The following SLC5A8 variants were observed in gnomAD, a reference collection of about 807,000 sequenced individuals.
SLC5A8 encodes the protein sodium-coupled monocarboxylate transporter 1.
In SLC5A8, 55 loss-of-function variants were observed where a neutral mutation model predicts 71.9. The observed-to-expected ratio is 0.77, with a 90% CI of 0.62 to 0.96. The LOEUF (loss-of-function observed/expected upper bound fraction) is 0.96, where lower values mean the gene tolerates loss of function less well. SLC5A8 is among the 40% of genes least tolerant of loss of function. SLC5A8 has a pLI of 0.00. For missense variants in SLC5A8, 701 were observed against 745.3 expected, an observed-to-expected ratio of 0.94 and a Z score of 0.69; for synonymous variants, 307 against 276.1, an observed-to-expected ratio of 1.11 and a Z score of -1.11.
At chr12:101,157,428 T>C (rs1555312608) in intron 14 of SLC5A8, 27 bp from the exon 15 acceptor site, 2 of 1,552,166 alleles carry the variant, frequency 1.3e-6, no homozygotes, top group Admixed American at 2.0e-5. Context: ...ACATGGTGAT[T>C]AGGGGGAGAA....
intron 3 of SLC5A8, chr12:101,199,294 T>C (rs77687132): frequency 0.015 from 2,238 of 152,098 alleles, 61 homozygotes; most frequent in African/African-American, 0.052. Flanking sequence ...GCTTCACAAA[T>C]TTGCATATCA....
At chr12:101,182,149 C>T (rs753839765) in intron 9 of SLC5A8, among the ~76,000 whole-genome samples, 1 of 152,254 alleles carries the variant, frequency 6.6e-6, no homozygotes, top group East Asian at 1.9e-4. Flanking sequence ...TGAGGCTCTA[C>T]GATTGAACAG....
At chr12:101,158,598 C>CTCTATATATATA (rs1411795424) in intron 13 of SLC5A8, among the ~76,000 whole-genome samples, 21 of 21,206 alleles carry the variant, frequency 9.9e-4, no homozygotes, top group Admixed American at 2.0e-3. Flanking sequence ...CTCTCTCTCT[C>CTCTATATATATA]TATATATATA....
At chr12:101,208,109 A>AG (rs1869749233) in intron 1 of SLC5A8, among the ~76,000 whole-genome samples, 1 of 152,208 alleles carries the variant, frequency 6.6e-6, no homozygotes, top group African/African-American at 2.4e-5. Context: ...TAAAAAAAAA[A>AG]AATGACTGAG....
At position 101,158,312 on chromosome 12, in the gene SLC5A8, G is replaced by T. The variant is rs1035106536; in HGVS notation, c.1647C>A (p.Asn549Lys). The change falls in exon 14 of 15, where the codon AAC (asparagine) becomes AAA (lysine). Residue 549 changes from asparagine to lysine, a missense_variant. Physicochemically the swap from Asn to Lys is moderately conservative, Grantham distance 94. Coordinates refer to ENST00000536262, the MANE Select transcript of SLC5A8 (RefSeq NM_145913.5). ...TGGTTAGTATGTATCTGGGGTCTAA[G>T]TTCTGTTTTCTTCCTCCTGGAAAAA... ...VSLSTGGRKQ[N>K]LDPRYILTKE... 3 of 1,583,700 alleles carry T rather than the reference G, an allele frequency of 1.9e-6. No homozygotes were observed. The highest frequency in any genetic ancestry group is 2.7e-5 in the African/African-American group (2 of 72,918).
At chr12:101,181,102 T>G (rs894131904) in intron 9 of SLC5A8, among the ~76,000 whole-genome samples, 11 of 152,334 alleles carry the variant, frequency 7.2e-5, no homozygotes, top group African/African-American at 2.6e-4. Flanking sequence ...ATGGGAAATT[T>G]GTCCATCATA....
intron 10 of SLC5A8, among the ~76,000 whole-genome samples, chr12:101,175,602 GA>G (rs567989537): frequency 4.6e-5 from 7 of 150,892 alleles, no homozygotes; most frequent in African/African-American, 1.7e-4. Context: ...GAAAACTAAA[GA>G]AAAAACAAAA....
chr12:101,162,098 C>A (rs201119032), intron 12 of SLC5A8, 21 bp from the exon 13 acceptor site: 3 of 1,548,614 alleles, frequency 1.9e-6, no homozygotes, highest in Non-Finnish European at 2.7e-6. Flanking sequence ...AAAAACACAA[C>A]GGTAAGATTT....
At chr12:101,184,023 T>C in intron 8 of SLC5A8, 111 bp downstream of exon 8, 1 of 1,019,234 alleles carries the variant, frequency 9.8e-7, no homozygotes, top group Non-Finnish European at 1.5e-6. Flanking sequence ...TTGCCTACTT[T>C]GGGCCATCTG....
chr12:101,164,165 A>G (rs984314832), intron 12 of SLC5A8, among the ~76,000 whole-genome samples: 2 of 152,240 alleles, frequency 1.3e-5, no homozygotes, highest in Non-Finnish European at 2.9e-5. Flanking sequence ...GTATCATTAA[A>G]AGAGTAAAAA....
rs747286071 is a variant in SLC5A8, at chr12:101,157,306, A to T, written c.1806T>A (p.Ser602Arg). 3.9e-5 allele frequency: 63 copies of T among 1,613,534 alleles called. No individual in the cohort carries two copies. Among genetic ancestry groups the T allele is most frequent in the Non-Finnish European group, 5.2e-5 (61 of 1,179,754 alleles). The stretch of plus-strand genomic sequence containing the variant: ...ACAAACGAGTCCCATTGCTCTTGCC[A>T]CTCTGATCTGAGTTCAATTCAATGT... ...FNHIELNSDQ[S>R]GKSNGTRL Residue 602 changes from serine to arginine, a missense_variant, in exon 15 of 15, where the codon AGT becomes AGA. Transcript: ENST00000536262.
At chr12:101,192,971 C>CTTTT (rs35246165) in intron 5 of SLC5A8, among the ~76,000 whole-genome samples, 2 of 125,950 alleles carry the variant, frequency 1.6e-5, no homozygotes, top group African/African-American at 6.0e-5. Context: ...TACCTTTTCT[C>CTTTT]TTTTTTTTTT....
intron 1 of SLC5A8, among the ~76,000 whole-genome samples, chr12:101,205,166 G>T (rs1404256334): frequency 2.6e-5 from 4 of 152,170 alleles, no homozygotes; most frequent in Non-Finnish European, 5.9e-5. Flanking sequence ...GAATCTTAAA[G>T]GCAGGATACA....
chr12:101,165,355 T>C (rs928873949), intron 12 of SLC5A8, among the ~76,000 whole-genome samples: 13 of 152,210 alleles, frequency 8.5e-5, no homozygotes, highest in Admixed American at 2.0e-4. Flanking sequence ...CTAAGCAAAA[T>C]CATAAAACAA....
At chr12:101,169,863 A>T (rs902776107) in intron 10 of SLC5A8, among the ~76,000 whole-genome samples, 1 of 152,244 alleles carries the variant, frequency 6.6e-6, no homozygotes, top group Non-Finnish European at 1.5e-5. Context: ...ATTACAGGCT[A>T]TTCAGTAAAA....
rs142536631 is a variant in SLC5A8, at chr12:101,203,638, C to T, written c.417+862G>A. Among the ~76,000 whole-genome samples, 268 of 152,336 alleles carry T rather than the reference C, an allele frequency of 1.8e-3. 2 individuals are homozygous for T. Among genetic ancestry groups the T allele is most frequent in the African/African-American group, 5.7e-3 (236 of 41,578 alleles). The stretch of plus-strand genomic sequence containing the variant: ...CTGGGATTACAGGCATGAGCCACCG[C>T]GGCTGGCCCTTAGGTAGCTTTTGAT... On this transcript the variant is annotated intron_variant, in intron 2 of 14. Transcript: ENST00000536262.
chr12:101,208,648 G>A (rs915964600), intron 1 of SLC5A8, among the ~76,000 whole-genome samples: 1 of 152,086 alleles, frequency 6.6e-6, no homozygotes, highest in African/African-American at 2.4e-5. Context: ...ATAGAGGAAA[G>A]ACAGTTTTCC....
intron 13 of SLC5A8, among the ~76,000 whole-genome samples, chr12:101,160,568 G>A (rs777859088): frequency 1.4e-4 from 22 of 152,136 alleles, no homozygotes; most frequent in Non-Finnish European, 3.2e-4. Flanking sequence ...TGCTATGGAT[G>A]CATACATGTG....
rs752371667 is a variant in SLC5A8, at chr12:101,157,231, CAT to C, written c.*46_*47del. 7.6e-6 allele frequency: 12 copies of C among 1,587,654 alleles called. No homozygotes were observed. The highest frequency in any genetic ancestry group is 1.7e-4 in the Middle Eastern group (1 of 5,946). On this transcript the variant is annotated 3_prime_UTR_variant, in exon 15 of 15. Coordinates refer to ENST00000536262, the MANE Select transcript of SLC5A8 (RefSeq NM_145913.5). Reference sequence around the variant, plus strand: ...AACCTGATCCAATTATCTTAGAAAACATATAAAATTGAAACATCATTTAAGGA... The same window carrying C: ...AACCTGATCCAATTATCTTAGAAAACATAAAATTGAAACATCATTTAAGGA...
Sources: allele counts gnomAD v4.1 joint callset (sites outside exome capture counted in the v4.1 genomes callset), GRCh38; gene constraint gnomAD v4.1.1; transcripts MANE v1.5; gene names NCBI Gene and HGNC (gene_info 2026-07-23, HGNC 2026-07-21).